KCNH7: variants seen among roughly 807,000 people sequenced by gnomAD.
The protein encoded by KCNH7 is voltage-gated inwardly rectifying potassium channel KCNH7.
A neutral mutation model predicts 120.8 loss-of-function variants in KCNH7; 49 were observed. The observed-to-expected ratio is 0.41, with a 90% CI of 0.32 to 0.51. The LOEUF (loss-of-function observed/expected upper bound fraction) is 0.51. Among genes scored for constraint, KCNH7 ranks in the 20% least tolerant of loss-of-function variants. The pLI is 0.38. For missense variants in KCNH7, 1,097 were observed against 1,446.6 expected, an observed-to-expected ratio of 0.76 and a Z score of 3.92; for synonymous variants, 547 against 516.1, an observed-to-expected ratio of 1.06 and a Z score of -0.81.
intron 6 of KCNH7, among the ~76,000 whole-genome samples, chr2:162,470,282 C>G (rs1455124444): frequency 6.6e-6 from 1 of 151,994 alleles, no homozygotes; most frequent in Non-Finnish European, 1.5e-5. Flanking sequence ...GCCCGCCCGC[C>G]CATCGTCTGA....
rs758989656 is a variant in KCNH7, at chr2:162,559,079, AAAAAAAC to A, written c.308-22006_308-22000del. On this transcript the variant is annotated intron_variant, in intron 2 of 15. Coordinates refer to ENST00000332142, the MANE Select transcript of KCNH7 (RefSeq NM_033272.4). Reference sequence around the variant, plus strand: ...CAAAAAAAAAAAAAAAAAAAAAAGCAAAAAAACAAAAAACAAAAAACAATATGGTGCA... The same window carrying A: ...CAAAAAAAAAAAAAAAAAAAAAAGCAAAAAAACAAAAAACAATATGGTGCA... 6.6e-3 allele frequency among the ~76,000 whole-genome samples: 971 copies of A among 147,482 alleles called. 7 individuals carry two copies. The highest frequency in any genetic ancestry group is 0.012 in the Non-Finnish European group (785 of 67,014).
At chr2:162,770,604 C>T (rs1173288816) in intron 2 of KCNH7, among the ~76,000 whole-genome samples, 1 of 151,962 alleles carries the variant, frequency 6.6e-6, no homozygotes, top group East Asian at 1.9e-4. Context: ...AGAAATTCAT[C>T]CTGAAACTGT....
intron 2 of KCNH7, among the ~76,000 whole-genome samples, chr2:162,574,162 T>A (rs987611120): frequency 1.3e-5 from 2 of 152,066 alleles, no homozygotes; most frequent in African/African-American, 4.8e-5. Flanking sequence ...AAGGCTTGGA[T>A]GTTTATATTT....
chr2:162,384,744 T>A lies in KCNH7; in HGVS notation c.2906A>T (p.Glu969Val). Residue 969 changes from glutamate to valine, a missense_variant, in exon 13 of 16, where the codon GAA becomes GTA. By Grantham distance (121) the Glu-to-Val change is moderately radical. Around this residue, in one of 8 missense-constraint regions of KCNH7, gnomAD observed 406 missense variants for 410.5 expected, o/e 0.99. Transcript: ENST00000332142. ...CATTCTTCCTGAGGTGGGCACTGTT[T>A]CTTCAAAATCGAGCCCAGATGCTTT... ...IGKASGLDFE[E>V]TVPTSGRMHI... The A allele has an allele frequency of 1.2e-6, 2 of 1,612,830 alleles. No individual in the cohort carries two copies. The highest frequency in any genetic ancestry group is 1.7e-6 in the Non-Finnish European group (2 of 1,179,086).
chr2:162,619,627 T>G (rs1478052507), intron 2 of KCNH7, among the ~76,000 whole-genome samples: 1 of 152,046 alleles, frequency 6.6e-6, no homozygotes, highest in Non-Finnish European at 1.5e-5. Flanking sequence ...AAAGAGACCC[T>G]TTTTATAAAT....
intron 6 of KCNH7, among the ~76,000 whole-genome samples, chr2:162,483,410 T>C (rs1361546687): frequency 2.0e-5 from 3 of 152,162 alleles, no homozygotes; most frequent in African/African-American, 7.2e-5. Flanking sequence ...TTGAAACAGA[T>C]TTCAATTTCA....
At chr2:162,390,253 T>TAC (rs112123580) in intron 12 of KCNH7, among the ~76,000 whole-genome samples, 2,536 of 149,360 alleles carry the variant, frequency 0.017, 69 homozygotes, top group African/African-American at 0.056. Flanking sequence ...TATATATATA[T>TAC]ACACACACAC....
intron 5 of KCNH7, among the ~76,000 whole-genome samples, chr2:162,510,941 C>T (rs1347073813): frequency 6.6e-6 from 1 of 151,610 alleles, no homozygotes; most frequent in African/African-American, 2.4e-5. Context: ...AATGTTTTCT[C>T]CAATTTGGGG....
In KCNH7 at chr2:162,834,925, T is replaced by C. The variant is rs556057797; in HGVS notation, c.307+1612A>G. Among the ~76,000 whole-genome samples the C allele has an allele frequency of 4.6e-5, 7 of 152,218 alleles. 1 individual carries two copies. Among genetic ancestry groups the C allele is most frequent in the African/African-American group, 1.7e-4 (7 of 41,574 alleles). On this transcript the variant is annotated intron_variant, in intron 2 of 15. Coordinates refer to ENST00000332142, the MANE Select transcript of KCNH7 (RefSeq NM_033272.4). The stretch of plus-strand genomic sequence containing the variant: ...CATAATGACCAAAGATGGACCAACA[T>C]TCACTGAAGTTACCACAATATAGAC...
intron 5 of KCNH7, among the ~76,000 whole-genome samples, chr2:162,505,591 G>C (rs1336672083): frequency 1.3e-5 from 2 of 151,840 alleles, no homozygotes; most frequent in East Asian, 3.9e-4. Flanking sequence ...GTTGTCTGTT[G>C]CTTATGGAGA....
intron 2 of KCNH7, among the ~76,000 whole-genome samples, chr2:162,678,659 T>G (rs1442672634): frequency 6.6e-6 from 1 of 151,480 alleles, no homozygotes; most frequent in Non-Finnish European, 1.5e-5. Context: ...TTAGAGTCCA[T>G]GAGAGTAAGA....
At chr2:162,817,949 T>C (rs1332782998) in intron 2 of KCNH7, among the ~76,000 whole-genome samples, 1 of 152,086 alleles carries the variant, frequency 6.6e-6, no homozygotes, top group African/African-American at 2.4e-5. Context: ...ATTTAATATA[T>C]ATGTACATAC....
At chr2:162,420,246 T>C (rs773149129) in intron 9 of KCNH7, among the ~76,000 whole-genome samples, 2 of 151,918 alleles carry the variant, frequency 1.3e-5, no homozygotes, top group Non-Finnish European at 2.9e-5. Flanking sequence ...CGTGGTGGCA[T>C]GTGCCTCTAA....
intron 2 of KCNH7, among the ~76,000 whole-genome samples, chr2:162,556,146 A>G (rs1389079591): frequency 2.7e-5 from 4 of 150,932 alleles, no homozygotes; most frequent in Non-Finnish European, 5.9e-5. Context: ...ACACACACAC[A>G]TATATATATA....
intron 2 of KCNH7, among the ~76,000 whole-genome samples, chr2:162,819,354 C>A (rs1016227252): frequency 2.6e-5 from 4 of 151,956 alleles, no homozygotes; most frequent in Admixed American, 2.6e-4. Context: ...AATGGCCCAG[C>A]AAAATAAATA....
In KCNH7 at chr2:162,714,614, C is replaced by G. The variant is rs556834490; in HGVS notation, c.307+121923G>C. 3.9e-5 allele frequency among the ~76,000 whole-genome samples: 6 copies of G among 152,256 alleles called. No individual in the cohort carries two copies. In the South Asian group the frequency reaches 1.2e-3, roughly 32 times the overall value. ...TATTCTGAAACAGGGGGTTGGCAAA[C>G]TTTCTCTGTAAAGGACCAGATAGTA... On this transcript the variant is annotated intron_variant, in intron 2 of 15. Coordinates refer to ENST00000332142, the MANE Select transcript of KCNH7 (RefSeq NM_033272.4).
intron 8 of KCNH7, among the ~76,000 whole-genome samples, chr2:162,430,911 A>G (rs1688044207): frequency 6.6e-6 from 1 of 151,894 alleles, no homozygotes; most frequent in Non-Finnish European, 1.5e-5. Context: ...ATTATGCTAT[A>G]TGTTAGAAAA....
intron 12 of KCNH7, among the ~76,000 whole-genome samples, chr2:162,388,749 A>G (rs1258440226): frequency 1.3e-5 from 2 of 151,988 alleles, no homozygotes; most frequent in Non-Finnish European, 2.9e-5. Flanking sequence ...TTTATTTTGA[A>G]GAAACACTTT....
intron 8 of KCNH7, among the ~76,000 whole-genome samples, chr2:162,431,678 G>A (rs1345213457): frequency 5.9e-5 from 9 of 152,066 alleles, no homozygotes; most frequent in African/African-American, 2.2e-4. Context: ...TATGTGAAAT[G>A]TGGGTGTATC....
Sources: gnomAD v4.1 joint callset for allele counts (sites outside exome capture counted in the v4.1 genomes callset) on GRCh38, gnomAD v4.1.1 for gene constraint, gnomAD v4.1.1 regional missense constraint, MANE v1.5 for transcripts, NCBI Gene and HGNC (gene_info 2026-07-23, HGNC 2026-07-21) for gene names.